The following ADCY1 variants were observed in gnomAD, a reference collection of about 807,000 sequenced individuals.
ADCY1 encodes the protein adenylate cyclase 1.
A neutral mutation model predicts 105.4 loss-of-function variants in ADCY1; 28 were observed. The ratio of observed to expected loss-of-function variants is 0.27; its 90% CI spans 0.20 to 0.36. The LOEUF is 0.36. Among genes scored for constraint, ADCY1 ranks in the 10% least tolerant of loss-of-function variants. The pLI, the probability that ADCY1 is intolerant of heterozygous loss-of-function variation, is 1.00. For synonymous variants in ADCY1, 655 were observed against 623.8 expected (o/e 1.05, Z -0.75); for missense variants, 977 against 1,434.2 (o/e 0.68, Z 5.15).
chr7:45,660,358 G>T (rs554464870), intron 7 of ADCY1, among the ~76,000 whole-genome samples, 175 bp downstream of exon 7: 1 of 152,322 alleles, frequency 6.6e-6, no homozygotes. Context: ...TCTCTTACTG[G>T]TGTGGGGAGG....
intron 4 of ADCY1, among the ~76,000 whole-genome samples, chr7:45,627,865 G>A (rs1268478511): frequency 6.6e-6 from 1 of 152,166 alleles, no homozygotes; most frequent in Non-Finnish European, 1.5e-5. Context: ...AGATGCATCT[G>A]CAGAGCAAGC....
chr7:45,635,068 C>T (rs1043616991), intron 4 of ADCY1, among the ~76,000 whole-genome samples: 5 of 150,674 alleles, frequency 3.3e-5, no homozygotes, highest in African/African-American at 1.2e-4. Context: ...TCCATCTGGA[C>T]CTGATATTTT....
chr7:45,664,918 T>C (rs756757035), intron 8 of ADCY1, among the ~76,000 whole-genome samples: 3 of 152,162 alleles, frequency 2.0e-5, no homozygotes, highest in Non-Finnish European at 4.4e-5. Context: ...GTCCTAATGC[T>C]CTCTCTTCCC....
In ADCY1 at chr7:45,574,669, C is replaced by G; in HGVS notation, c.126C>G (p.Cys42Trp). 7.3e-7 allele frequency: 1 copy of G among 1,363,306 alleles called. No homozygotes were observed. The highest frequency in any genetic ancestry group is 1.7e-5 in the South Asian group (1 of 57,362). 84.5% of individuals were successfully genotyped at this position (1,363,306 alleles called of 1,614,324 possible). A position where few individuals can be genotyped will look rare whatever the true frequency, so the allele number is the denominator to read the frequency against. ...GLRACDEEFA[C>W]PELEALFRGY... The stretch of plus-strand genomic sequence containing the variant: ...GGGCGTGCGACGAGGAGTTCGCTTG[C>G]CCAGAGCTGGAGGCGCTGTTCCGCG... The change falls in exon 1 of 20, where the codon TGC becomes TGG. Residue 42 changes from cysteine (C) to tryptophan (W), a missense_variant. By Grantham distance (215) the Cys-to-Trp change is radical. This residue lies in a region of ADCY1 where 209 missense variants were observed against 222.5 expected (regional missense o/e 0.94). Coordinates refer to ENST00000297323, the MANE Select transcript of ADCY1 (RefSeq NM_021116.4). This position sits in a 1 kb window ranked among gnomAD's most constrained non-coding sequence, Gnocchi z 7.0.
intron 5 of ADCY1, among the ~76,000 whole-genome samples, chr7:45,651,089 C>T (rs1794796774): frequency 6.6e-6 from 1 of 152,130 alleles, no homozygotes; most frequent in African/African-American, 2.4e-5. Flanking sequence ...CCTGGGCCTC[C>T]TGTAGCTGCT....
chr7:45,691,267 G>A (rs940352120), intron 14 of ADCY1, among the ~76,000 whole-genome samples: 9 of 152,216 alleles, frequency 5.9e-5, no homozygotes, highest in Non-Finnish European at 8.8e-5. Flanking sequence ...GCAAGTCTGC[G>A]GATCCTTGTG....
chr7:45,671,782 A>AT (rs1369737856), intron 8 of ADCY1, among the ~76,000 whole-genome samples: 14 of 151,896 alleles, frequency 9.2e-5, no homozygotes, highest in Non-Finnish European at 1.6e-4. Flanking sequence ...GGATTATTTG[A>AT]TTTTTTTGTG....
At position 45,707,005 on chromosome 7, in the gene ADCY1, A is replaced by AT. The variant is rs532788632; in HGVS notation, c.2818-1344dup. On this transcript the variant is annotated intron_variant, in intron 17 of 19. Coordinates refer to ENST00000297323, the MANE Select transcript of ADCY1 (RefSeq NM_021116.4). ...CTTTGCAAATGAAAACAACAATAAA[A>AT]TATCACTAGATACCTGTTAGAAGGG... is the stretch of plus-strand genomic sequence containing the variant. Among the ~76,000 whole-genome samples, 111 of 152,372 alleles carry AT rather than the reference A, an allele frequency of 7.3e-4. 2 individuals carry two copies. In the South Asian group the frequency reaches 1.0e-2, roughly 14 times the overall value.
chr7:45,592,947 G>A, intron 2 of ADCY1, 39 bp downstream of exon 2: 1 of 1,610,242 alleles, frequency 6.2e-7, no homozygotes, highest in East Asian at 2.2e-5. Flanking sequence ...GGGGTTGGCT[G>A]TGGGGCTGGG....
intron 8 of ADCY1, among the ~76,000 whole-genome samples, chr7:45,673,738 A>T (rs1410580990): frequency 8.0e-5 from 12 of 150,228 alleles, no homozygotes; most frequent in East Asian, 3.9e-4. Flanking sequence ...GATTTTCTCT[A>T]TTTTTTTTGT....
At position 45,637,072 on chromosome 7, in the gene ADCY1, C is replaced by T. The variant is rs192175975; in HGVS notation, c.1021-11598C>T. On this transcript the variant is annotated intron_variant, in intron 4 of 19. Transcript: ENST00000297323. The stretch of plus-strand genomic sequence containing the variant: ...TATGTTTTATGATTTCATCTCACTG[C>T]CTTTATTGGCTTACTAGTATAATTC... Among the ~76,000 whole-genome samples the T allele has an allele frequency of 2.6e-5, 4 of 152,182 alleles. No homozygotes were observed. In the East Asian group the frequency reaches 7.7e-4, roughly 29 times the overall value.
Position 45,582,349 on chromosome 7 carries a change from C to G in ADCY1, c.639+7167C>G, listed in dbSNP as rs9942666. Among the ~76,000 whole-genome samples, 1,481 of 152,262 alleles carry G rather than the reference C, an allele frequency of 9.7e-3. 24 individuals are homozygous for G. Among genetic ancestry groups the G allele is most frequent in the African/African-American group, 0.033 (1,385 of 41,542 alleles). On this transcript the variant is annotated intron_variant, in intron 1 of 19. Coordinates refer to ENST00000297323, the MANE Select transcript of ADCY1 (RefSeq NM_021116.4). The stretch of plus-strand genomic sequence containing the variant: ...CCTCCAGCTCCGTGACCTTGGCAAT[C>G]TCAGAATCTGGCTTGTGAAGGGAAG...
intron 8 of ADCY1, among the ~76,000 whole-genome samples, chr7:45,675,483 T>C (rs1333841817): frequency 6.6e-6 from 1 of 152,178 alleles, no homozygotes; most frequent in African/African-American, 2.4e-5. Context: ...GTCTTTGTGA[T>C]GTTCCAACAT....
chr7:45,710,719 G>C lies in ADCY1; in HGVS notation c.3057+67G>C. 6.5e-7 allele frequency: 1 copy of C among 1,538,740 alleles called. No individual in the cohort carries two copies. Among genetic ancestry groups the C allele is most frequent in the Non-Finnish European group, 8.8e-7 (1 of 1,142,230 alleles). On this transcript the variant is annotated intron_variant, in intron 19 of 19. Coordinates refer to ENST00000297323, the MANE Select transcript of ADCY1 (RefSeq NM_021116.4). The surrounding 1 kb of genome is among the most constrained non-coding windows in gnomAD (Gnocchi z 4.7). ...TTCAGGTGAGGAAACTGAGGCACAG[G>C]GGGCCAGAATTGAATCCCCAGTCTA... is the stretch of plus-strand genomic sequence containing the variant.
At chr7:45,711,724 C>A (rs1260895909) in intron 19 of ADCY1, among the ~76,000 whole-genome samples, 1 of 134,860 alleles carries the variant, frequency 7.4e-6, no homozygotes, top group Non-Finnish European at 1.6e-5. Flanking sequence ...TGTGTATATA[C>A]ATATATGTGT....
intron 4 of ADCY1, among the ~76,000 whole-genome samples, chr7:45,624,710 T>C (rs1794002712): frequency 6.6e-6 from 1 of 152,156 alleles, no homozygotes; most frequent in South Asian, 2.1e-4. Context: ...CCACTAGGCT[T>C]GTCCCCTGGA....
chr7:45,607,640 C>G (rs890098479), intron 2 of ADCY1, among the ~76,000 whole-genome samples: 14 of 152,294 alleles, frequency 9.2e-5, no homozygotes, highest in Non-Finnish European at 1.5e-4. Context: ...GTCTGTTCTT[C>G]CCATATTTAT....
At chr7:45,682,632 A>G (rs556601592) in intron 11 of ADCY1, among the ~76,000 whole-genome samples, 5 of 152,244 alleles carry the variant, frequency 3.3e-5, no homozygotes, top group African/African-American at 1.2e-4. Flanking sequence ...ACAGACCTGC[A>G]TTTCAGCCCT....
At chr7:45,627,539 A>G (rs1584282951) in intron 4 of ADCY1, among the ~76,000 whole-genome samples, 1 of 152,336 alleles carries the variant, frequency 6.6e-6, no homozygotes, top group Middle Eastern at 3.4e-3. Flanking sequence ...TAAGTGGGAC[A>G]GTGCCATGCC....
Sources: allele counts gnomAD v4.1 joint callset (sites outside exome capture counted in the v4.1 genomes callset), GRCh38; gene constraint gnomAD v4.1.1; regional missense constraint gnomAD v4.1.1; non-coding constraint Gnocchi (gnomAD v3.1); transcripts MANE v1.5; gene names NCBI Gene and HGNC (gene_info 2026-07-23, HGNC 2026-07-21).